The following MYO16 variants were observed in gnomAD, a reference collection of about 807,000 sequenced individuals.
MYO16 encodes the protein myosin XVI, also known as unconventional myosin-XVI.
A neutral mutation model predicts 205.3 loss-of-function variants in MYO16; 94 were observed. That is an observed-to-expected ratio of 0.46 (90% CI 0.39 to 0.54). The LOEUF (loss-of-function observed/expected upper bound fraction) is 0.54. MYO16 is among the 20% of genes least tolerant of loss of function. MYO16 has a pLI of 0.00. For missense variants in MYO16, 2,315 were observed against 2,387.5 expected (o/e 0.97, Z 0.63); for synonymous variants, 988 against 954.0 (o/e 1.04, Z -0.66).
intron 2 of MYO16, among the ~76,000 whole-genome samples, chr13:108,690,884 G>A (rs1310847169): frequency 3.3e-5 from 5 of 152,160 alleles, no homozygotes; most frequent in Non-Finnish European, 4.4e-5. Flanking sequence ...GAGGTGGCGG[G>A]TAGGGGAAGA....
chr13:108,707,649 T>G (rs1228050435), intron 2 of MYO16, among the ~76,000 whole-genome samples: 1 of 152,190 alleles, frequency 6.6e-6, no homozygotes, highest in Non-Finnish European at 1.5e-5. Context: ...GGCCAAAGTC[T>G]CAATGGCAAA....
At position 108,806,186 on chromosome 13, in the gene MYO16, G is replaced by A. The variant is rs1054197239; in HGVS notation, c.742-493G>A. On this transcript the variant is annotated intron_variant, in intron 6 of 34. Coordinates refer to ENST00000457511, the MANE Select transcript of MYO16 (RefSeq NM_001198950.3). ...GCTACACAATCATTTTTAAGCCGCC[G>A]GGATTAGTTAATCCTTTTCAGTGTT... Among the ~76,000 whole-genome samples, 8 of 152,150 alleles carry A rather than the reference G, an allele frequency of 5.3e-5. No individual in the cohort carries two copies. In the East Asian group the frequency reaches 9.7e-4, roughly 18 times the overall value.
intron 7 of MYO16, among the ~76,000 whole-genome samples, chr13:108,807,367 G>A (rs193207588): frequency 2.9e-4 from 44 of 151,988 alleles, no homozygotes; most frequent in Middle Eastern, 6.8e-3. Flanking sequence ...TGCATTTCAC[G>A]TATTTTAGAA....
intron 34 of MYO16, among the ~76,000 whole-genome samples, chr13:109,189,298 C>T (rs1011548616): frequency 2.0e-5 from 3 of 152,120 alleles, no homozygotes; most frequent in African/African-American, 7.2e-5. Context: ...CTTTTGGCAA[C>T]ACCCTCACAG....
intron 23 of MYO16, among the ~76,000 whole-genome samples, chr13:109,024,328 G>T (rs1369199632): frequency 6.6e-6 from 1 of 151,932 alleles, no homozygotes; most frequent in African/African-American, 2.4e-5. Flanking sequence ...TCATGGAAGT[G>T]ACTGTAAGCG....
At chr13:108,574,919 T>C in the MYO16 span, among the ~76,000 whole-genome samples, 1 of 152,128 alleles carries the variant, frequency 6.6e-6, no homozygotes, top group East Asian at 1.9e-4. Flanking sequence ...GTGTGACTAG[T>C]TCTAGTATAA....
intron 2 of MYO16, among the ~76,000 whole-genome samples, chr13:108,670,333 G>A (rs1881930178): frequency 6.6e-6 from 1 of 152,144 alleles, no homozygotes; most frequent in South Asian, 2.1e-4. Flanking sequence ...CCATAAAGAT[G>A]CTGATGTAAT....
rs1235978241 is a variant in MYO16 at position 109,019,696 on chromosome 13, C to T, written c.2596-15C>T. The T allele has an allele frequency of 1.9e-6, 3 of 1,604,070 alleles. No individual in the cohort carries two copies. Among genetic ancestry groups the T allele is most frequent in the Non-Finnish European group, 2.6e-6 (3 of 1,171,910 alleles). ...TAATAGACAAAACAACTCCCCATCTCTTCTTAACTCTCAGAAGCCATCTGG... is the reference window on the plus strand; with the variant it reads ...TAATAGACAAAACAACTCCCCATCTTTTCTTAACTCTCAGAAGCCATCTGG... On this transcript the variant is annotated splice_polypyrimidine_tract_variant and intron_variant, in intron 22 of 34. Coordinates refer to ENST00000457511, the MANE Select transcript of MYO16 (RefSeq NM_001198950.3).
intron 11 of MYO16, among the ~76,000 whole-genome samples, chr13:108,859,427 T>C (rs1187790801): frequency 6.6e-6 from 1 of 152,190 alleles, no homozygotes; most frequent in African/African-American, 2.4e-5. Context: ...CAAGATAAAA[T>C]ATTTTAGCTG....
At chr13:109,091,762 C>G (rs1888631916) in intron 27 of MYO16, among the ~76,000 whole-genome samples, 1 of 152,110 alleles carries the variant, frequency 6.6e-6, no homozygotes. Flanking sequence ...TTCCATTTTT[C>G]TCCTTTAGTT....
At chr13:108,944,111 T>G (rs1882843063) in intron 16 of MYO16, among the ~76,000 whole-genome samples, 1 of 152,230 alleles carries the variant, frequency 6.6e-6, no homozygotes, top group African/African-American at 2.4e-5. Context: ...CTTCTGACTC[T>G]GTCTCGTCTA....
intron 4 of MYO16, among the ~76,000 whole-genome samples, chr13:108,747,472 T>C (rs1001331766): frequency 1.4e-4 from 21 of 152,158 alleles, no homozygotes; most frequent in African/African-American, 4.6e-4. Context: ...AAGGTAGATT[T>C]GGATTAGTTA....
chr13:108,798,265 G>A lies in MYO16; in HGVS notation c.741+4625G>A, dbSNP rs569440515. On this transcript the variant is annotated intron_variant, in intron 6 of 34. Transcript: ENST00000457511. ...TGTTCAGATTGATTTCCATACCTGCGATGGAATGCCAGTTGTGGTTCAAAA... is the reference window on the plus strand; with the variant it reads ...TGTTCAGATTGATTTCCATACCTGCAATGGAATGCCAGTTGTGGTTCAAAA... Among the ~76,000 whole-genome samples the A allele has an allele frequency of 1.1e-4, 17 of 152,274 alleles. No individual in the cohort carries two copies. The East Asian group carries it at 2.9e-3, about 26-fold the overall frequency.
At chr13:109,099,941 T>C (rs1888904396) in intron 27 of MYO16, among the ~76,000 whole-genome samples, 1 of 152,206 alleles carries the variant, frequency 6.6e-6, no homozygotes, top group African/African-American at 2.4e-5. Flanking sequence ...AACTGATGAC[T>C]TCAGCTTTGG....
At chr13:108,856,658 T>C (rs563062226) in intron 11 of MYO16, among the ~76,000 whole-genome samples, 18 of 152,232 alleles carry the variant, frequency 1.2e-4, no homozygotes, top group East Asian at 5.8e-4. Context: ...GTCTTAATTA[T>C]AGAAGCCTGG....
chr13:109,113,038 T>G (rs527924341), intron 28 of MYO16, among the ~76,000 whole-genome samples: 15 of 152,338 alleles, frequency 9.8e-5, no homozygotes, highest in Non-Finnish European at 1.5e-5. Context: ...ACTAGTGACA[T>G]GGATGTACTA....
the MYO16 span, among the ~76,000 whole-genome samples, chr13:108,504,419 G>A: frequency 2.2e-4 from 34 of 152,090 alleles, no homozygotes; most frequent in East Asian, 3.9e-4. Flanking sequence ...GAGCCACCAC[G>A]CCCAGCCCAG....
intron 15 of MYO16, among the ~76,000 whole-genome samples, chr13:108,906,641 T>A (rs1594385716): frequency 6.6e-6 from 1 of 152,278 alleles, no homozygotes; most frequent in East Asian, 1.9e-4. Flanking sequence ...GACAAGACAG[T>A]TGGGCTTAAA....
At position 108,683,005 on chromosome 13, in the gene MYO16, C is replaced by T. The variant is rs567759402; in HGVS notation, c.292+16856C>T. On this transcript the variant is annotated intron_variant, in intron 2 of 34. Transcript: ENST00000457511. ...AATGTCAAGGGTGCTGTATAAATGG[C>T]CTCTGTGTGTTTCCTCTTTCTGTTT... 7.2e-5 allele frequency among the ~76,000 whole-genome samples: 11 copies of T among 152,250 alleles called. No individual in the cohort carries two copies. In the East Asian group the frequency reaches 1.5e-3, roughly 21 times the overall value.
Sources: allele counts gnomAD v4.1 joint callset (sites outside exome capture counted in the v4.1 genomes callset), GRCh38; gene constraint gnomAD v4.1.1; transcripts MANE v1.5; gene names NCBI Gene and HGNC (gene_info 2026-07-23, HGNC 2026-07-21).